Variants in KDM4C observed in about 807,000 individuals in gnomAD.
KDM4C encodes the protein lysine-specific demethylase 4C.
KDM4C carries 81 observed loss-of-function variants against 129.3 expected under a neutral mutation model. That is an observed-to-expected ratio of 0.63 (90% confidence interval 0.52 to 0.75). KDM4C has a LOEUF of 0.75. KDM4C is among the 30% of genes least tolerant of loss of function. The pLI, the probability that KDM4C is intolerant of heterozygous loss-of-function variation, is 0.00. For synonymous variants in KDM4C, 573 were observed against 456.1 expected, an observed-to-expected ratio of 1.26 and a Z score of -3.26; for missense variants, 1,457 against 1,304.0, an observed-to-expected ratio of 1.12 and a Z score of -1.81.
intron 17 of KDM4C, among the ~76,000 whole-genome samples, chr9:7,082,160 A>T (rs1834596651): frequency 7.9e-6 from 1 of 126,216 alleles, no homozygotes; most frequent in Non-Finnish European, 1.9e-5. Context: ...ACAGCCTCAC[A>T]TGGGGCCTGA....
chr9:6,961,310 A>C (rs939034467), intron 8 of KDM4C, among the ~76,000 whole-genome samples: 1 of 152,216 alleles, frequency 6.6e-6, no homozygotes. Flanking sequence ...AGATGTGTGC[A>C]GCACTAAACG....
At chr9:7,006,463 C>G (rs537765357) in intron 12 of KDM4C, among the ~76,000 whole-genome samples, 1 of 151,976 alleles carries the variant, frequency 6.6e-6, no homozygotes, top group African/African-American at 2.4e-5. Context: ...GTTTGAAAAA[C>G]AGAATTGTTT....
intron 8 of KDM4C, among the ~76,000 whole-genome samples, chr9:6,923,202 C>T (rs1420465940): frequency 6.6e-6 from 1 of 151,846 alleles, no homozygotes; most frequent in Non-Finnish European, 1.5e-5. Context: ...TCGTTTGTTA[C>T]ATATGCAAAG....
chr9:7,170,820 A>G (rs1844878876), intron 21 of KDM4C: 1 of 961,528 alleles, frequency 1.0e-6, no homozygotes, highest in African/African-American at 1.8e-5. Context: ...TTCTTAAATC[A>G]GGGATGTCCA....
intron 19 of KDM4C, among the ~76,000 whole-genome samples, chr9:7,149,965 C>T (rs897516444): frequency 6.6e-6 from 1 of 152,138 alleles, no homozygotes; most frequent in African/African-American, 2.4e-5. Flanking sequence ...GGAAGATTTC[C>T]TATTTTGGCT....
chr9:6,772,388 T>A (rs1822042422), intron 1 of KDM4C, among the ~76,000 whole-genome samples: 1 of 148,564 alleles, frequency 6.7e-6, no homozygotes, highest in East Asian at 2.0e-4. Flanking sequence ...TGAGACGGCG[T>A]CTTGCTCTTG....
At chr9:6,851,395 A>G (rs1189077307) in intron 5 of KDM4C, among the ~76,000 whole-genome samples, 1 of 152,146 alleles carries the variant, frequency 6.6e-6, no homozygotes, top group Non-Finnish European at 1.5e-5. Flanking sequence ...TTTTTTCAGA[A>G]CTTAGCTTGG....
intron 17 of KDM4C, among the ~76,000 whole-genome samples, chr9:7,095,387 T>C (rs1212631630): frequency 1.3e-5 from 2 of 152,256 alleles, no homozygotes; most frequent in African/African-American, 4.8e-5. Flanking sequence ...TGATTTATCC[T>C]GTTGTTTTTT....
chr9:6,811,634 C>T (rs1831165189), intron 3 of KDM4C, among the ~76,000 whole-genome samples: 1 of 152,136 alleles, frequency 6.6e-6, no homozygotes, highest in South Asian at 2.1e-4. Flanking sequence ...GTGTACTTTC[C>T]TCTAGGCACA....
intron 19 of KDM4C, among the ~76,000 whole-genome samples, chr9:7,159,891 G>A (rs1843597326): frequency 6.6e-6 from 1 of 152,148 alleles, no homozygotes; most frequent in Non-Finnish European, 1.5e-5. Context: ...TTGCTAGGTT[G>A]GGGACGTTCT....
intron 19 of KDM4C, among the ~76,000 whole-genome samples, chr9:7,136,103 C>T (rs566085132): frequency 6.6e-6 from 1 of 152,314 alleles, no homozygotes; most frequent in African/African-American, 2.4e-5. Context: ...GGGTTACTGA[C>T]TTAGAAGAGT....
chr9:6,792,532 G>C (rs1308106527), intron 1 of KDM4C, among the ~76,000 whole-genome samples: 3 of 151,738 alleles, frequency 2.0e-5, no homozygotes, highest in African/African-American at 4.8e-5. Context: ...GGGATTACAG[G>C]CATGTACCAC....
intron 18 of KDM4C, chr9:7,104,220 T>A (rs1409681943): frequency 9.6e-6 from 2 of 208,434 alleles, no homozygotes; most frequent in South Asian, 1.1e-4. Flanking sequence ...AGGATGAGAG[T>A]GAGACCATTT....
At chr9:6,937,520 A>G (rs926390458) in intron 8 of KDM4C, among the ~76,000 whole-genome samples, 33 of 152,054 alleles carry the variant, frequency 2.2e-4, no homozygotes, top group African/African-American at 6.8e-4. Context: ...AACAGTTTTT[A>G]TTGTAATCTT....
chr9:7,001,556 C>A (rs1007823001), intron 12 of KDM4C, among the ~76,000 whole-genome samples: 1 of 152,190 alleles, frequency 6.6e-6, no homozygotes, highest in Admixed American at 6.5e-5. Context: ...TTTCTGTATG[C>A]TCCCCTGAAT....
intron 8 of KDM4C, among the ~76,000 whole-genome samples, chr9:6,977,920 C>T (rs1461870535): frequency 6.6e-6 from 1 of 152,140 alleles, no homozygotes; most frequent in Non-Finnish European, 1.5e-5. Context: ...TATTCTGATT[C>T]TTATTTCTTT....
intron 8 of KDM4C, among the ~76,000 whole-genome samples, chr9:6,922,394 GT>G (rs112000172): frequency 0.084 from 12,837 of 152,072 alleles, 1,503 homozygotes; most frequent in African/African-American, 0.26. Flanking sequence ...TACATTTACT[GT>G]TTTTTTCCCC....
chr9:6,826,901 T>C (rs1833978897), intron 4 of KDM4C, among the ~76,000 whole-genome samples: 1 of 152,088 alleles, frequency 6.6e-6, no homozygotes, highest in East Asian at 1.9e-4. Flanking sequence ...CTTATTTTTA[T>C]TGTTTTTATT....
At chr9:6,813,009 C>G (rs954011032) in intron 3 of KDM4C, among the ~76,000 whole-genome samples, 1 of 152,098 alleles carries the variant, frequency 6.6e-6, no homozygotes, top group Non-Finnish European at 1.5e-5. Context: ...AACCCCGTCT[C>G]TACTAAAAAT....
Sources: allele counts gnomAD v4.1 joint callset (sites outside exome capture counted in the v4.1 genomes callset), GRCh38; gene constraint gnomAD v4.1.1; transcripts MANE v1.5; gene names NCBI Gene and HGNC (gene_info 2026-07-23, HGNC 2026-07-21).